NRCAM: variants seen among roughly 807,000 people sequenced by gnomAD.
NRCAM encodes the protein NgCAM-related cell adhesion molecule.
In NRCAM, 83 loss-of-function variants were observed where a neutral mutation model predicts 156.5. That is an observed-to-expected ratio of 0.53 (90% CI 0.44 to 0.64). NRCAM has a LOEUF of 0.64. Ranked by LOEUF, NRCAM falls within the 30% of genes least tolerant of loss-of-function variation. NRCAM has a pLI of 0.00. For missense variants in NRCAM, 1,417 were observed against 1,597.3 expected (o/e 0.89, Z 1.92); for synonymous variants, 538 against 563.9 (o/e 0.95, Z 0.65).
intron 3 of NRCAM, among the ~76,000 whole-genome samples, chr7:108,279,612 G>A (rs374851600): frequency 7.4e-4 from 112 of 151,098 alleles, no homozygotes; most frequent in South Asian, 3.2e-3. Flanking sequence ...TTGACCTGCC[G>A]CCTTCCCCCA....
chr7:108,431,281 G>A (rs1408006746), intron 1 of NRCAM, among the ~76,000 whole-genome samples: 1 of 152,040 alleles, frequency 6.6e-6, no homozygotes, highest in African/African-American at 2.4e-5. Context: ...CCACTAGACC[G>A]TGCCACTTCC....
chr7:108,156,815 C>T (rs372480364), intron 32 of NRCAM, among the ~76,000 whole-genome samples: 2 of 152,026 alleles, frequency 1.3e-5, no homozygotes. Flanking sequence ...GAGACAGGAA[C>T]CTGGTGATCT....
At chr7:108,219,386 G>C (rs549334278) in intron 11 of NRCAM, among the ~76,000 whole-genome samples, 1 of 152,062 alleles carries the variant, frequency 6.6e-6, no homozygotes, top group South Asian at 2.1e-4. Flanking sequence ...AACCAGGAAA[G>C]GACATAACCA....
intron 1 of NRCAM, 150 bp from the exon 2 acceptor site, chr7:108,399,743 TG>T (rs1368754209): frequency 6.6e-6 from 1 of 152,242 alleles, no homozygotes; most frequent in Non-Finnish European, 1.5e-5. Context: ...CAAGCATTAT[TG>T]TACTTAATGA....
chr7:108,288,870 G>C (rs2098192641), intron 3 of NRCAM, among the ~76,000 whole-genome samples: 2 of 152,094 alleles, frequency 1.3e-5, no homozygotes, highest in Admixed American at 6.6e-5. Flanking sequence ...CTTTGGAGGA[G>C]ATATTATTCA....
intron 3 of NRCAM, among the ~76,000 whole-genome samples, chr7:108,299,142 AGAAAAGT>A (rs2098535978): frequency 1.3e-5 from 1 of 78,604 alleles, no homozygotes; most frequent in Admixed American, 1.3e-4. Flanking sequence ...AAGAAAGAAA[AGAAAAGT>A]AAAAAAAAAA....
chr7:108,166,439 G>C (rs538289874), intron 30 of NRCAM, among the ~76,000 whole-genome samples: 3 of 151,688 alleles, frequency 2.0e-5, no homozygotes, highest in Non-Finnish European at 4.4e-5. Context: ...GTAGAGACGG[G>C]GTTTCATCAT....
intron 1 of NRCAM, among the ~76,000 whole-genome samples, chr7:108,434,541 TAC>T (rs141756969): frequency 0.027 from 3,769 of 140,926 alleles, 28 homozygotes; most frequent in South Asian, 0.058. Flanking sequence ...CAATGGAATG[TAC>T]ACACACACAC....
rs10262726 is a variant in NRCAM, at chr7:108,185,723, A to C, written c.2036-1109T>G. On this transcript the variant is annotated intron_variant, in intron 20 of 32. Transcript: ENST00000379028. ...AGAGTGAAACCCTGTCTCAAAAAAG[A>C]GAGAGAGAGAGGAAAAAAAAAAAAA... 7.1e-3 allele frequency among the ~76,000 whole-genome samples: 908 copies of C among 128,286 alleles called. 9 individuals carry two copies. Among genetic ancestry groups the C allele is most frequent in the African/African-American group, 0.023 (852 of 36,982 alleles). 84.2% of individuals were successfully genotyped at this position (128,286 alleles called of 152,430 possible). A position where few individuals can be genotyped will look rare whatever the true frequency, so the allele number is the denominator to read the frequency against.
chr7:108,335,306 C>G (rs1593929834), intron 2 of NRCAM, among the ~76,000 whole-genome samples: 1 of 152,030 alleles, frequency 6.6e-6, no homozygotes, highest in East Asian at 1.9e-4. Flanking sequence ...TTTTCCTTTA[C>G]AGAACACATA....
In NRCAM at chr7:108,148,332, C is replaced by T. The variant is rs1247626041; in HGVS notation, c.*1578G>A. The T allele has an allele frequency of 2.0e-5, 3 of 152,560 alleles. No homozygotes were observed. The highest frequency in any genetic ancestry group is 1.9e-4 in the East Asian group (1 of 5,194). 9.5% of individuals were successfully genotyped at this position (152,560 alleles called of 1,614,324 possible). A position where few individuals can be genotyped will look rare whatever the true frequency, so the allele number is the denominator to read the frequency against. On this transcript the variant is annotated 3_prime_UTR_variant, in exon 33 of 33. Transcript: ENST00000379028. Reference sequence around the variant, plus strand: ...ATTGCATGTTTATTTGTATGTAACACCTATAAGCATATAGCATCTACATTT... The same window carrying T: ...ATTGCATGTTTATTTGTATGTAACATCTATAAGCATATAGCATCTACATTT...
At chr7:108,185,991 G>A (rs1405431606) in intron 20 of NRCAM, among the ~76,000 whole-genome samples, 6 of 152,142 alleles carry the variant, frequency 3.9e-5, no homozygotes, top group Non-Finnish European at 5.9e-5. Context: ...AGACAGGGGC[G>A]GGAGGAAGAC....
At chr7:108,234,779 A>AG (rs748260219) in intron 5 of NRCAM, 91 bp from the exon 6 acceptor site, 1 of 871,210 alleles carries the variant, frequency 1.1e-6, no homozygotes, top group Non-Finnish European at 2.0e-6. Context: ...CACTTACCTT[A>AG]GACTAAATAT....
chr7:108,195,821 G>C lies in NRCAM; in HGVS notation c.1403C>G (p.Ala468Gly), dbSNP rs1354773445. The change falls in exon 15 of 33, where the codon GCA (alanine) becomes GGA (glycine). Residue 468 changes from alanine (A) to glycine (G), a missense_variant. Around this residue, in one of 2 missense-constraint regions of NRCAM, gnomAD observed 1,238 missense variants for 1,336.4 expected, o/e 0.93. Coordinates refer to ENST00000379028, the MANE Select transcript of NRCAM (RefSeq NM_001037132.4). ...TPANTLYQVI[A>G]NRPALLDCAF... ...ACAGTCTAGTAAAGCAGGCCTGTTT[G>C]CAATGACCTGGTAGAGTGTGTTTGC... 2 of 1,613,768 alleles carry C rather than the reference G, an allele frequency of 1.2e-6. No individual in the cohort carries two copies. Among genetic ancestry groups the C allele is most frequent in the South Asian group, 2.2e-5 (2 of 91,056 alleles).
chr7:108,253,616 T>G (rs1463065998), intron 3 of NRCAM, among the ~76,000 whole-genome samples: 1 of 152,244 alleles, frequency 6.6e-6, no homozygotes, highest in East Asian at 1.9e-4. Flanking sequence ...AGTTTCAAAG[T>G]GCCAAGCTGG....
At chr7:108,271,130 A>T (rs2097329970) in intron 3 of NRCAM, among the ~76,000 whole-genome samples, 1 of 152,238 alleles carries the variant, frequency 6.6e-6, no homozygotes, top group Non-Finnish European at 1.5e-5. Flanking sequence ...ACGATAAATT[A>T]TGTATATTAT....
intron 3 of NRCAM, among the ~76,000 whole-genome samples, chr7:108,283,668 CT>C (rs2097948021): frequency 1.3e-5 from 2 of 152,176 alleles, no homozygotes; most frequent in South Asian, 4.1e-4. Flanking sequence ...CGTGGTCTCA[CT>C]TGGCTTTTCT....
In NRCAM at chr7:108,211,135, A is replaced by G. The variant is rs73414340; in HGVS notation, c.891-1530T>C. ...AGTGCCCAAACTGCAGAAGTGAAAA[A>G]CTGGTTTGTGGGAGAAGTTTCTGAC... is the stretch of plus-strand genomic sequence containing the variant. On this transcript the variant is annotated intron_variant, in intron 11 of 32. Transcript: ENST00000379028. 5.2e-3 allele frequency among the ~76,000 whole-genome samples: 798 copies of G among 152,226 alleles called. 8 individuals are homozygous for G. Among genetic ancestry groups the G allele is most frequent in the African/African-American group, 0.018 (765 of 41,540 alleles).
At chr7:108,156,105 A>G (rs917126625) in intron 32 of NRCAM, among the ~76,000 whole-genome samples, 4 of 152,154 alleles carry the variant, frequency 2.6e-5, no homozygotes, top group African/African-American at 9.7e-5. Context: ...CCACTCGCTA[A>G]AAGTCCATTA....
Sources: gnomAD v4.1 joint callset for allele counts (sites outside exome capture counted in the v4.1 genomes callset) on GRCh38, gnomAD v4.1.1 for gene constraint, gnomAD v4.1.1 regional missense constraint, MANE v1.5 for transcripts, NCBI Gene and HGNC (gene_info 2026-07-23, HGNC 2026-07-21) for gene names.